Variants in TXNRD3 observed in about 807,000 individuals in gnomAD.
TXNRD3 encodes thioredoxin reductase 3.
A neutral mutation model predicts 78.2 loss-of-function variants in TXNRD3; 68 were observed. The ratio of observed to expected loss-of-function variants is 0.87; its 90% CI spans 0.72 to 1.06. TXNRD3 has a LOEUF of 1.06. TXNRD3 is among the 50% of genes least tolerant of loss of function. TXNRD3 has a pLI of 0.00. For synonymous variants in TXNRD3, 296 were observed against 300.1 expected (o/e 0.99, Z 0.14); for missense variants, 751 against 809.5 (o/e 0.93, Z 0.88).
intron 1 of TXNRD3, among the ~76,000 whole-genome samples, chr3:126,652,998 T>C (rs2107631761): frequency 6.6e-6 from 1 of 152,322 alleles, no homozygotes; most frequent in Admixed American, 6.5e-5. Flanking sequence ...TTTTTTTATT[T>C]CACCCACCAC....
intron 14 of TXNRD3, chr3:126,609,214 C>G (rs1938135213): frequency 2.4e-6 from 1 of 412,988 alleles, no homozygotes; most frequent in Admixed American, 2.5e-5. Context: ...TGTCAATGTT[C>G]CTTCATCAGA....
chr3:126,608,452 C>T, intron 15 of TXNRD3, 47 bp downstream of exon 15: 1 of 1,476,100 alleles, frequency 6.8e-7, no homozygotes, highest in Non-Finnish European at 8.9e-7. Context: ...AATAGTTTTT[C>T]AAACTACATC....
Position 126,608,564 on chromosome 3 carries a change from T to C in TXNRD3, c.1798A>G (p.Met600Val), listed in dbSNP as rs1173319251. ...AGCTGTTTTGTGAGCCCACATTTCA[T>C]TGCAGCTGCAAATCCTTGGGTAACC... The change falls in exon 15 of 16, where the codon ATG (methionine) becomes GTG (valine). Residue 600 changes from methionine (M) to valine (V), a missense_variant. Met to Val is a conservative substitution (Grantham distance 21). Transcript: ENST00000524230. 3.9e-6 allele frequency: 6 copies of C among 1,535,916 alleles called. No homozygotes were observed. The highest frequency in any genetic ancestry group is 4.9e-5 in the East Asian group (2 of 40,920).
intron 14 of TXNRD3, among the ~76,000 whole-genome samples, chr3:126,610,801 G>A (rs951847421): frequency 2.6e-5 from 4 of 152,112 alleles, no homozygotes; most frequent in East Asian, 1.9e-4. Flanking sequence ...AAATGACAAC[G>A]TGGAGGTGCT....
At chr3:126,631,134 T>C (rs1245719589) in intron 8 of TXNRD3, among the ~76,000 whole-genome samples, 197 bp from the exon 9 acceptor site, 1 of 151,752 alleles carries the variant, frequency 6.6e-6, no homozygotes, top group African/African-American at 2.4e-5. Flanking sequence ...TTTTTCTAAA[T>C]CAGACCACAA....
At chr3:126,638,825 G>A (rs1366581640) in intron 6 of TXNRD3, among the ~76,000 whole-genome samples, 1 of 152,240 alleles carries the variant, frequency 6.6e-6, no homozygotes, top group Non-Finnish European at 1.5e-5. Context: ...AAATTAGAAA[G>A]TATTTAGAAA....
At chr3:126,631,422 C>T (rs1047737272) in intron 8 of TXNRD3, among the ~76,000 whole-genome samples, 2 of 151,970 alleles carry the variant, frequency 1.3e-5, no homozygotes, top group African/African-American at 4.8e-5. Context: ...TGCTCCTCCC[C>T]AGCTGGCTCA....
chr3:126,624,490 G>A (rs1429550752), intron 10 of TXNRD3, among the ~76,000 whole-genome samples: 4 of 151,042 alleles, frequency 2.6e-5, no homozygotes, highest in African/African-American at 9.7e-5. Context: ...GCGTGATCTC[G>A]GCTCACTGCA....
At chr3:126,609,229 C>G (rs1275842378) in intron 14 of TXNRD3, 1 of 391,300 alleles carries the variant, frequency 2.6e-6, no homozygotes, top group Non-Finnish European at 5.3e-6. Flanking sequence ...ATCAGATTAT[C>G]CTTCACTGTG....
chr3:126,652,437 C>A (rs1933413041), intron 1 of TXNRD3, among the ~76,000 whole-genome samples: 1 of 152,154 alleles, frequency 6.6e-6, no homozygotes, highest in Admixed American at 6.5e-5. Flanking sequence ...CCATATCAAT[C>A]CCATAAAAAG....
At chr3:126,611,980 GAT>G (rs1938208544) in intron 13 of TXNRD3, among the ~76,000 whole-genome samples, 1 of 152,118 alleles carries the variant, frequency 6.6e-6, no homozygotes, top group African/African-American at 2.4e-5. Flanking sequence ...AAACAAAATT[GAT>G]TTAACTTGTT....
At chr3:126,640,821 A>G (rs952928614) in intron 6 of TXNRD3, among the ~76,000 whole-genome samples, 27 of 151,948 alleles carry the variant, frequency 1.8e-4, no homozygotes, top group Non-Finnish European at 3.5e-4. Context: ...CCTCAGTGCC[A>G]TAAAAGGTGT....
Position 126,647,241 on chromosome 3 carries a change from T to C in TXNRD3, c.299A>G (p.Gln100Arg), listed in dbSNP as rs1454269388. 17 of 1,534,916 alleles carry C rather than the reference T, an allele frequency of 1.1e-5. No individual in the cohort carries two copies. Among genetic ancestry groups the C allele is most frequent in the Non-Finnish European group, 1.5e-5 (17 of 1,146,506 alleles). Residue 100 changes from glutamine (Q) to arginine (R), a missense_variant, in exon 2 of 16, where the codon CAA becomes CGA. Physicochemically the swap from Gln to Arg is conservative, Grantham distance 43. Coordinates refer to ENST00000524230, the MANE Select transcript of TXNRD3 (RefSeq NM_052883.3). ...GTTGTAACTGGTCTACTTACCAACTTGATCAAGTTCCAAGACATTACATTC... is the reference window on the plus strand; with the variant it reads ...GTTGTAACTGGTCTACTTACCAACTCGATCAAGTTCCAAGACATTACATTC...
chr3:126,643,842 G>C, intron 5 of TXNRD3, 139 bp downstream of exon 5: 2 of 776,338 alleles, frequency 2.6e-6, no homozygotes, highest in Non-Finnish European at 3.9e-6. Flanking sequence ...CTCTGGGCCA[G>C]GCCTAGACTC....
In TXNRD3 at chr3:126,647,306, A is replaced by C; in HGVS notation, c.244-10T>G. 6.5e-7 allele frequency: 1 copy of C among 1,532,740 alleles called. No homozygotes were observed. Among genetic ancestry groups the C allele is most frequent in the Non-Finnish European group, 8.7e-7 (1 of 1,144,494 alleles). The allele number at this position is 1,532,740 out of a possible 1,614,324, so 94.9% of individuals were successfully genotyped here. A position where few individuals can be genotyped will look rare whatever the true frequency, so the allele number is the denominator to read the frequency against. ...AAAAGAGTTCTTTCACCTGTAAAAA[A>C]AATTTAGCTAAGTTTCACTCTCAGA... On this transcript the variant is annotated splice_polypyrimidine_tract_variant and intron_variant, in intron 1 of 15. Coordinates refer to ENST00000524230, the MANE Select transcript of TXNRD3 (RefSeq NM_052883.3).
intron 14 of TXNRD3, 90 bp from the exon 15 acceptor site, chr3:126,608,723 C>A: frequency 7.4e-7 from 1 of 1,359,964 alleles, no homozygotes; most frequent in Non-Finnish European, 9.7e-7. Flanking sequence ...TTAAAATATA[C>A]AGTATCTACT....
In TXNRD3 at chr3:126,607,131, C is replaced by T. The variant is rs1185665150; in HGVS notation, c.*774G>A. 6.6e-6 allele frequency: 1 copy of T among 152,170 alleles called. No homozygotes were observed. Among genetic ancestry groups the T allele is most frequent in the African/African-American group, 2.4e-5 (1 of 41,440 alleles). 9.4% of individuals were successfully genotyped at this position (152,170 alleles called of 1,614,324 possible). ...TTTCACAGATAAATTAGTTAGATTT[C>T]ACATAATACAGTATTAAAAACTTTT... On this transcript the variant is annotated 3_prime_UTR_variant, in exon 16 of 16. Coordinates refer to ENST00000524230, the MANE Select transcript of TXNRD3 (RefSeq NM_052883.3).
intron 1 of TXNRD3, among the ~76,000 whole-genome samples, chr3:126,653,189 T>C (rs539672545): frequency 6.6e-5 from 10 of 152,260 alleles, no homozygotes; most frequent in Non-Finnish European, 1.3e-4. Context: ...AAATATGCCA[T>C]AGGAACTTAA....
chr3:126,625,422 T>A (rs954504398), intron 10 of TXNRD3, among the ~76,000 whole-genome samples: 1 of 151,286 alleles, frequency 6.6e-6, no homozygotes, highest in African/African-American at 2.4e-5. Context: ...TTTTTGTCCT[T>A]GCAACAGTTT....
Sources: gnomAD v4.1 joint callset for allele counts (sites outside exome capture counted in the v4.1 genomes callset) on GRCh38, gnomAD v4.1.1 for gene constraint, MANE v1.5 for transcripts, NCBI Gene and HGNC (gene_info 2026-07-23, HGNC 2026-07-21) for gene names.